The following LRRC72 variants were observed in gnomAD, a reference collection of about 807,000 sequenced individuals.
The protein encoded by LRRC72 is leucine rich repeat containing 72.
Under a neutral mutation model 35.8 loss-of-function variants are expected in LRRC72, and 41 were observed. That is an observed-to-expected ratio of 1.15 (90% CI 0.89 to 1.49). The LOEUF (loss-of-function observed/expected upper bound fraction) is 1.49, where lower values mean the gene tolerates loss of function less well. LRRC72 is among the 40% of genes most tolerant of loss of function. The pLI, the probability that LRRC72 is intolerant of heterozygous loss-of-function variation, is 0.00. For synonymous variants in LRRC72, 118 were observed against 119.2 expected, an observed-to-expected ratio of 0.99 and a Z score of 0.07; for missense variants, 389 against 330.7, an observed-to-expected ratio of 1.18 and a Z score of -1.37.
At chr7:16,565,470 T>C (rs1274162892) in intron 5 of LRRC72, among the ~76,000 whole-genome samples, 1 of 152,042 alleles carries the variant, frequency 6.6e-6, no homozygotes, top group Non-Finnish European at 1.5e-5. Flanking sequence ...CATTAAAGTT[T>C]TATTTCACAT....
intron 5 of LRRC72, among the ~76,000 whole-genome samples, chr7:16,565,846 G>C (rs1782829043): frequency 6.6e-6 from 1 of 152,220 alleles, no homozygotes; most frequent in African/African-American, 2.4e-5. Context: ...TGTGGAGGAA[G>C]TAAGTTCTAT....
At chr7:16,527,449 A>C in intron 1 of LRRC72, among the ~76,000 whole-genome samples, 1 of 147,370 alleles carries the variant, frequency 6.8e-6, no homozygotes, top group South Asian at 2.1e-4. Context: ...TTGATTCTCC[A>C]ACAGGGGTGT....
chr7:16,560,111 A>G (rs1257602486), intron 5 of LRRC72, among the ~76,000 whole-genome samples: 1 of 152,202 alleles, frequency 6.6e-6, no homozygotes, highest in Non-Finnish European at 1.5e-5. Context: ...TTCTGGGTGT[A>G]CTGAGGTAAA....
chr7:16,568,384 G>C lies in LRRC72; in HGVS notation c.670+841G>C, dbSNP rs76934361. Among the ~76,000 whole-genome samples, 616 of 152,062 alleles carry C rather than the reference G, an allele frequency of 4.1e-3. 5 individuals carry two copies. The highest frequency in any genetic ancestry group is 0.014 in the African/African-American group (595 of 41,444). On this transcript the variant is annotated intron_variant, in intron 7 of 8. Coordinates refer to ENST00000401542, the MANE Select transcript of LRRC72 (RefSeq NM_001195280.2). The stretch of plus-strand genomic sequence containing the variant: ...TTTAAAAAACCAAACCAATTATCTA[G>C]AAATAAAGGGGAAATTGAATTAAAA...
At chr7:16,548,266 G>A (rs988378931) in intron 3 of LRRC72, among the ~76,000 whole-genome samples, 2 of 152,172 alleles carry the variant, frequency 1.3e-5, no homozygotes, top group Non-Finnish European at 2.9e-5. Flanking sequence ...CTTCCTGGAT[G>A]TAGGACAAGA....
At chr7:16,566,514 G>T in intron 6 of LRRC72, 112 bp downstream of exon 6, 1 of 551,210 alleles carries the variant, frequency 1.8e-6, no homozygotes, top group East Asian at 3.3e-5. Flanking sequence ...ATATATCTTT[G>T]AATAATTGTC....
chr7:16,569,156 G>A lies in LRRC72; in HGVS notation c.670+1613G>A, dbSNP rs555286465. Among the ~76,000 whole-genome samples, 3 of 152,100 alleles carry A rather than the reference G, an allele frequency of 2.0e-5. No homozygotes were observed. The East Asian group carries it at 5.8e-4, about 29-fold the overall frequency. On this transcript the variant is annotated intron_variant, in intron 7 of 8. Transcript: ENST00000401542. ...TATTTAAGGACAGGTGGCCAGGTGC[G>A]GTGGTTCACACCTGTAATCCCAGCA...
chr7:16,557,353 T>C lies in LRRC72; in HGVS notation c.235-7T>C, dbSNP rs1487227820. The C allele has an allele frequency of 4.1e-6, 5 of 1,209,906 alleles. No homozygotes were observed. Among genetic ancestry groups the C allele is most frequent in the Non-Finnish European group, 5.5e-6 (5 of 914,902 alleles). 74.9% of individuals were successfully genotyped at this position (1,209,906 alleles called of 1,614,324 possible). On this transcript the variant is annotated splice_region_variant and splice_polypyrimidine_tract_variant and intron_variant, in intron 3 of 8. Transcript: ENST00000401542. ...AAAGTATATTGTTCTCTAACTCTCATTTTTAGCTCCATGGAATAACATTTC... is the reference window on the plus strand; with the variant it reads ...AAAGTATATTGTTCTCTAACTCTCACTTTTAGCTCCATGGAATAACATTTC...
At position 16,580,053 on chromosome 7, in the gene LRRC72, TA is replaced by T; in HGVS notation, c.671-17del. The T allele has an allele frequency of 2.3e-6, 1 of 427,328 alleles. No individual in the cohort carries two copies. Among genetic ancestry groups the T allele is most frequent in the South Asian group, 2.2e-5 (1 of 44,662 alleles). The allele number at this position is 427,328 out of a possible 1,614,324, so 26.5% of individuals were successfully genotyped here. On this transcript the variant is annotated intron_variant, in intron 7 of 8. Transcript: ENST00000401542. ...GATAAATATTTTAAAATACTAACTT[TA>T]AAATGTATTTTTTTTTTAGATTTTG...
At chr7:16,540,354 T>C (rs1782336065) in intron 3 of LRRC72, among the ~76,000 whole-genome samples, 1 of 152,238 alleles carries the variant, frequency 6.6e-6, no homozygotes, top group African/African-American at 2.4e-5. Context: ...ACCCAATGCC[T>C]GTACCTCCAT....
At chr7:16,536,925 G>A (rs1219473888) in intron 2 of LRRC72, 1 of 152,082 alleles carries the variant, frequency 6.6e-6, no homozygotes, top group Non-Finnish European at 1.5e-5. Context: ...TCTGCCCTGA[G>A]AAATAAGAGA....
chr7:16,527,077 C>T (rs1425756424), intron 1 of LRRC72, 35 bp downstream of exon 1: 4 of 1,510,262 alleles, frequency 2.6e-6, no homozygotes, highest in East Asian at 2.5e-5. Context: ...CCATCAGCCC[C>T]TTTGGCCCCC....
intron 4 of LRRC72, among the ~76,000 whole-genome samples, chr7:16,558,391 C>G (rs537669750): frequency 2.0e-5 from 3 of 152,108 alleles, no homozygotes; most frequent in African/African-American, 2.4e-5. Flanking sequence ...GGCAGATCAC[C>G]TGAGGTCGGG....
At chr7:16,550,797 A>T (rs949346203) in intron 3 of LRRC72, among the ~76,000 whole-genome samples, 3 of 152,182 alleles carry the variant, frequency 2.0e-5, no homozygotes, top group African/African-American at 7.2e-5. Context: ...TCTTTTGCCC[A>T]TTCTCCTGAT....
chr7:16,575,223 G>C (rs764702478), intron 7 of LRRC72, among the ~76,000 whole-genome samples: 2 of 152,108 alleles, frequency 1.3e-5, no homozygotes. Flanking sequence ...ATAGGCCATC[G>C]GTCACTCATA....
rs953844895 is a variant in LRRC72, at chr7:16,546,429, C to T, written c.234+8733C>T. 3.3e-5 allele frequency among the ~76,000 whole-genome samples: 5 copies of T among 151,874 alleles called. No homozygotes were observed. In the South Asian group the frequency reaches 1.0e-3, roughly 32 times the overall value. On this transcript the variant is annotated intron_variant, in intron 3 of 8. Coordinates refer to ENST00000401542, the MANE Select transcript of LRRC72 (RefSeq NM_001195280.2). Reference sequence around the variant, plus strand: ...TCTACCCATTAATGCCAGGAGATGCCCCCCAGGAGTGGCAAACAAAAATAT... The same window carrying T: ...TCTACCCATTAATGCCAGGAGATGCTCCCCAGGAGTGGCAAACAAAAATAT...
At chr7:16,573,084 A>G (rs1216430324) in intron 7 of LRRC72, among the ~76,000 whole-genome samples, 1 of 152,146 alleles carries the variant, frequency 6.6e-6, no homozygotes, top group East Asian at 1.9e-4. Flanking sequence ...ACCTAGGAAT[A>G]CAAATTATAA....
chr7:16,559,150 T>C lies in LRRC72; in HGVS notation c.427+151T>C, dbSNP rs1583646414. On this transcript the variant is annotated intron_variant, in intron 5 of 8. Coordinates refer to ENST00000401542, the MANE Select transcript of LRRC72 (RefSeq NM_001195280.2). Reference sequence around the variant, plus strand: ...GACTCACGCCTGTAATCTCAGTGCTTAGGCAGGCTGAGGTGGGCGGATCAC... The same window carrying C: ...GACTCACGCCTGTAATCTCAGTGCTCAGGCAGGCTGAGGTGGGCGGATCAC... 2.6e-5 allele frequency among the ~76,000 whole-genome samples: 4 copies of C among 152,320 alleles called. No individual in the cohort carries two copies. In the South Asian group the frequency reaches 8.3e-4, roughly 32 times the overall value.
In LRRC72 at chr7:16,580,095, T is replaced by C. The variant is rs1325024242; in HGVS notation, c.692T>C (p.Val231Ala). ...TTAGATTTTGCATTTGCAAATAATG[T>C]AGACAAGTAAGTAATTTTATCTATA... ...VPSDFAFANN[V>A]DKTVLDDPED... The change falls in exon 8 of 9, where the codon GTA becomes GCA. Residue 231 changes from valine to alanine, a missense_variant. Val to Ala is a moderately conservative substitution (Grantham distance 64, BLOSUM62 0). Transcript: ENST00000401542. The C allele has an allele frequency of 2.2e-5, 9 of 413,150 alleles. No individual in the cohort carries two copies. The highest frequency in any genetic ancestry group is 8.7e-5 in the African/African-American group (4 of 46,078). 25.6% of individuals were successfully genotyped at this position (413,150 alleles called of 1,614,324 possible).
Sources: allele counts gnomAD v4.1 joint callset (sites outside exome capture counted in the v4.1 genomes callset), GRCh38; gene constraint gnomAD v4.1.1; transcripts MANE v1.5; gene names NCBI Gene and HGNC (gene_info 2026-07-23, HGNC 2026-07-21).